The following DSCAM variants were observed in gnomAD, a reference collection of about 807,000 sequenced individuals.
The protein encoded by DSCAM is cell adhesion molecule DSCAM.
DSCAM carries 47 observed loss-of-function variants against 217.7 expected under a neutral mutation model. The ratio of observed to expected loss-of-function variants is 0.22; its 90% CI spans 0.17 to 0.28. DSCAM has a LOEUF of 0.28. DSCAM is among the 10% of genes least tolerant of loss of function. The pLI, the probability that DSCAM is intolerant of heterozygous loss-of-function variation, is 1.00. For missense variants in DSCAM, 2,080 were observed against 2,618.3 expected (o/e 0.79, Z 4.49); for synonymous variants, 1,056 against 1,015.3 (o/e 1.04, Z -0.76).
intron 3 of DSCAM, among the ~76,000 whole-genome samples, chr21:40,440,874 A>G (rs1470699418): frequency 6.6e-6 from 1 of 152,234 alleles, no homozygotes; most frequent in Non-Finnish European, 1.5e-5. Flanking sequence ...TACAGTGTGT[A>G]TTAGCTAGTC....
chr21:40,505,045 T>G (rs139517654), intron 3 of DSCAM, among the ~76,000 whole-genome samples: 1 of 152,164 alleles, frequency 6.6e-6, no homozygotes, highest in Non-Finnish European at 1.5e-5. Flanking sequence ...AGGTGGAAGG[T>G]AAGAGCCTAT....
intron 3 of DSCAM, among the ~76,000 whole-genome samples, chr21:40,563,571 A>G (rs1381111751): frequency 1.8e-5 from 2 of 109,284 alleles, no homozygotes; most frequent in African/African-American, 2.9e-5. Context: ...ATGTTTATAT[A>G]TAGTTATATG....
intron 20 of DSCAM, among the ~76,000 whole-genome samples, chr21:40,094,125 C>T (rs2089647004): frequency 6.6e-6 from 1 of 152,136 alleles, no homozygotes; most frequent in Non-Finnish European, 1.5e-5. Context: ...GGCCACAGCA[C>T]TTCTGTATTT....
intron 1 of DSCAM, among the ~76,000 whole-genome samples, chr21:40,752,793 T>C (rs887617107): frequency 2.0e-5 from 3 of 151,230 alleles, no homozygotes; most frequent in Admixed American, 6.6e-5. Flanking sequence ...GAGTAAAGAA[T>C]TACAAAAGGA....
chr21:40,052,145 T>G lies in DSCAM; in HGVS notation c.5036-38A>C, dbSNP rs780285081. 4 of 1,609,094 alleles carry G rather than the reference T, an allele frequency of 2.5e-6. No homozygotes were observed. The East Asian group carries it at 8.9e-5, about 36-fold the overall frequency. On this transcript the variant is annotated intron_variant, in intron 29 of 32. Coordinates refer to ENST00000400454, the MANE Select transcript of DSCAM (RefSeq NM_001389.5). ...AGGAACACAGAAAGCCAAACACGTT[T>G]ATCTCCCTTCCAACCACTCCCTGGC...
At chr21:40,191,479 C>T (rs2410221) in intron 11 of DSCAM, among the ~76,000 whole-genome samples, 1 of 152,078 alleles carries the variant, frequency 6.6e-6, no homozygotes, top group Non-Finnish European at 1.5e-5. Flanking sequence ...CTGATCCCCC[C>T]CTTCCCCTAG....
chr21:40,061,258 A>T (rs1267039418), intron 28 of DSCAM, among the ~76,000 whole-genome samples: 1 of 152,112 alleles, frequency 6.6e-6, no homozygotes, highest in African/African-American at 2.4e-5. Flanking sequence ...CATTCATCAG[A>T]TCAGTCACAA....
chr21:40,577,007 A>T (rs1568916655), intron 3 of DSCAM, among the ~76,000 whole-genome samples: 1 of 151,682 alleles, frequency 6.6e-6, no homozygotes, highest in Non-Finnish European at 1.5e-5. Context: ...AAATAAAAAA[A>T]AAAATAAGAT....
chr21:40,036,921 G>C (rs1427797930), intron 32 of DSCAM, among the ~76,000 whole-genome samples: 1 of 150,572 alleles, frequency 6.6e-6, no homozygotes, highest in Admixed American at 6.6e-5. Flanking sequence ...AAAACCACAT[G>C]ATTATCTGCA....
intron 3 of DSCAM, among the ~76,000 whole-genome samples, chr21:40,459,310 A>G (rs4818135): frequency 0.36 from 54,864 of 152,062 alleles, 11,157 homozygotes; most frequent in African/African-American, 0.54. Context: ...AGAACATACC[A>G]TTCGATAAGA....
At chr21:40,489,893 A>G (rs2837659) in intron 3 of DSCAM, among the ~76,000 whole-genome samples, 13,380 of 151,818 alleles carry the variant, frequency 0.088, 696 homozygotes, top group Middle Eastern at 0.15. Flanking sequence ...AAGATATATT[A>G]TTCAGTTAGG....
intron 3 of DSCAM, among the ~76,000 whole-genome samples, chr21:40,502,636 T>G (rs2076178849): frequency 6.6e-6 from 1 of 152,180 alleles, no homozygotes. Flanking sequence ...ATTGCATCAC[T>G]CTGACACGGG....
intron 3 of DSCAM, among the ~76,000 whole-genome samples, chr21:40,403,372 A>G (rs1411149955): frequency 1.3e-5 from 2 of 150,986 alleles, no homozygotes; most frequent in Non-Finnish European, 2.9e-5. Context: ...ATCTCAGCTC[A>G]TTGCAACCTC....
Position 40,693,030 on chromosome 21 carries a change from T to C in DSCAM, c.362-74A>G, listed in dbSNP as rs959678240. On this transcript the variant is annotated intron_variant, in intron 2 of 32. Transcript: ENST00000400454. ...ATTCTGAGAGTATCTCACTGTAATATATACACTGCAGCACACACACATCAA... is the reference window on the plus strand; with the variant it reads ...ATTCTGAGAGTATCTCACTGTAATACATACACTGCAGCACACACACATCAA... The C allele has an allele frequency of 4.2e-5, 64 of 1,516,636 alleles. No homozygotes were observed. The Admixed American group carries it at 9.7e-4, about 23-fold the overall frequency. The allele number at this position is 1,516,636 out of a possible 1,614,324, so 93.9% of individuals were successfully genotyped here.
chr21:40,679,171 G>A (rs7277207), intron 3 of DSCAM, among the ~76,000 whole-genome samples: 65,489 of 151,772 alleles, frequency 0.43, 14,646 homozygotes, highest in East Asian at 0.58. Context: ...AAAAAATATA[G>A]AAAAGCAAAA....
intron 1 of DSCAM, among the ~76,000 whole-genome samples, chr21:40,789,818 G>A (rs2091624972): frequency 6.6e-6 from 1 of 152,132 alleles, no homozygotes; most frequent in Non-Finnish European, 1.5e-5. Flanking sequence ...GCCTCCCAAA[G>A]TGCTGGGATT....
rs547458480 is a variant in DSCAM, at chr21:40,224,896, A to G, written c.2357-35658T>C. 3.7e-4 allele frequency among the ~76,000 whole-genome samples: 56 copies of G among 152,346 alleles called. 1 individual carries two copies. Among genetic ancestry groups the G allele is most frequent in the Admixed American group, 3.4e-3 (52 of 15,306 alleles). ...ATAACAAGTCCATGTTTTGTCCTAAATTGAATTGTCGGTCACCTGAACATT... is the reference window on the plus strand; with the variant it reads ...ATAACAAGTCCATGTTTTGTCCTAAGTTGAATTGTCGGTCACCTGAACATT... On this transcript the variant is annotated intron_variant, in intron 11 of 32. Transcript: ENST00000400454.
chr21:40,772,860 C>T (rs973159211), intron 1 of DSCAM, among the ~76,000 whole-genome samples: 4 of 152,324 alleles, frequency 2.6e-5, no homozygotes, highest in Admixed American at 6.5e-5. Context: ...TAAGAAATAA[C>T]GATTGCCATA....
At chr21:40,769,307 T>C (rs936411261) in intron 1 of DSCAM, among the ~76,000 whole-genome samples, 2 of 152,214 alleles carry the variant, frequency 1.3e-5, no homozygotes, top group African/African-American at 4.8e-5. Flanking sequence ...CAGGTTTCAT[T>C]TTCCATTTAG....
Sources: gnomAD v4.1 joint callset for allele counts (sites outside exome capture counted in the v4.1 genomes callset) on GRCh38, gnomAD v4.1.1 for gene constraint, MANE v1.5 for transcripts, NCBI Gene and HGNC (gene_info 2026-07-23, HGNC 2026-07-21) for gene names.